Variants in MAPKAP1 observed in about 807,000 individuals in gnomAD.
MAPKAP1 encodes the protein target of rapamycin complex 2 subunit MAPKAP1.
A neutral mutation model predicts 65.7 loss-of-function variants in MAPKAP1; 20 were observed. The ratio of observed to expected loss-of-function variants is 0.30; its 90% CI spans 0.21 to 0.44. The LOEUF is 0.44. Among genes scored for constraint, MAPKAP1 ranks in the 20% least tolerant of loss-of-function variants. The pLI is 1.00. For missense variants in MAPKAP1, 423 were observed against 648.0 expected, an observed-to-expected ratio of 0.65 and a Z score of 3.77; for synonymous variants, 222 against 244.3, an observed-to-expected ratio of 0.91 and a Z score of 0.85.
intron 2 of MAPKAP1, among the ~76,000 whole-genome samples, chr9:125,671,010 A>AATTC (rs33950602): frequency 0.91 from 138,359 of 151,996 alleles, 64,268 homozygotes; most frequent in East Asian, 1. Context: ...TATCTAACCA[A>AATTC]CACTGAAGAA....
intron 11 of MAPKAP1, among the ~76,000 whole-genome samples, chr9:125,440,148 CTGGGCA>C (rs899364423): frequency 3.3e-5 from 5 of 152,154 alleles, no homozygotes; most frequent in African/African-American, 1.2e-4. Context: ...CAGCCTGTGC[CTGGGCA>C]TGGGCGGCAG....
At position 125,439,526 on chromosome 9, in the gene MAPKAP1, C is replaced by A. The variant is rs1189312059; in HGVS notation, c.1444-514G>T. Among the ~76,000 whole-genome samples the A allele has an allele frequency of 6.6e-6, 1 of 152,236 alleles. No homozygotes were observed. The highest frequency in any genetic ancestry group is 1.5e-5 in the Non-Finnish European group (1 of 68,028). On this transcript the variant is annotated intron_variant, in intron 11 of 11. Coordinates refer to ENST00000265960, the MANE Select transcript of MAPKAP1 (RefSeq NM_001006617.3). The surrounding 1 kb of genome is among the most constrained non-coding windows in gnomAD (Gnocchi z 4.0). ...CCTTCAGGGCTCATGAGTGCCCAGC[C>A]AGGCAGGGCTCACTTGACAAAAAGG...
At chr9:125,533,618 T>C (rs1829995142) in intron 7 of MAPKAP1, among the ~76,000 whole-genome samples, 1 of 152,140 alleles carries the variant, frequency 6.6e-6, no homozygotes, top group Non-Finnish European at 1.5e-5. Context: ...ATTTGGCTAA[T>C]TTTTGTATTT....
intron 9 of MAPKAP1, among the ~76,000 whole-genome samples, chr9:125,480,241 T>C (rs1280176783): frequency 6.6e-6 from 1 of 152,234 alleles, no homozygotes; most frequent in African/African-American, 2.4e-5. Context: ...ATAATACTCA[T>C]GGGCAGTCTG....
intron 4 of MAPKAP1, among the ~76,000 whole-genome samples, chr9:125,617,393 C>T (rs1832776610): frequency 6.6e-6 from 1 of 152,148 alleles, no homozygotes; most frequent in Non-Finnish European, 1.5e-5. Flanking sequence ...CCTGGGAGAC[C>T]TAAGCCACAG....
chr9:125,657,824 A>T, intron 3 of MAPKAP1, 25 bp from the exon 4 acceptor site: 1 of 1,608,776 alleles, frequency 6.2e-7, no homozygotes, highest in Non-Finnish European at 8.5e-7. Context: ...GAAGAAAAAC[A>T]TCTTTGTGAT....
intron 7 of MAPKAP1, among the ~76,000 whole-genome samples, chr9:125,516,285 A>G (rs902759520): frequency 6.6e-6 from 1 of 152,224 alleles, no homozygotes; most frequent in African/African-American, 2.4e-5. Flanking sequence ...TTCACACAGC[A>G]GTCTTCAAGT....
chr9:125,574,580 C>T (rs1341570986), intron 5 of MAPKAP1, among the ~76,000 whole-genome samples: 1 of 152,128 alleles, frequency 6.6e-6, no homozygotes, highest in East Asian at 1.9e-4. Context: ...GTTCAAATAA[C>T]GAAGTTGTCT....
Position 125,464,206 on chromosome 9 carries a change from A to T in MAPKAP1, c.1345+3766T>A, listed in dbSNP as rs867742437. Among the ~76,000 whole-genome samples the T allele has an allele frequency of 4.7e-3, 573 of 122,024 alleles. 33 individuals are homozygous for T. The highest frequency in any genetic ancestry group is 0.021 in the African/African-American group (431 of 20,538). 80.1% of individuals were successfully genotyped at this position (122,024 alleles called of 152,430 possible). A position where few individuals can be genotyped will look rare whatever the true frequency, so the allele number is the denominator to read the frequency against. The stretch of plus-strand genomic sequence containing the variant: ...CAGTGAGACCCTGTCTCATATATTA[A>T]AAAAAAAAAAAAAAAAAAAAAAAAA... On this transcript the variant is annotated intron_variant, in intron 10 of 11. Transcript: ENST00000265960.
chr9:125,698,105 C>CA (rs565702273), intron 1 of MAPKAP1, among the ~76,000 whole-genome samples: 1 of 151,144 alleles, frequency 6.6e-6, no homozygotes, highest in South Asian at 2.1e-4. Context: ...TGAGTCAAAA[C>CA]AAAGGTCAAG....
intron 3 of MAPKAP1, among the ~76,000 whole-genome samples, chr9:125,661,005 C>T (rs1834169510): frequency 6.6e-6 from 1 of 152,076 alleles, no homozygotes; most frequent in Admixed American, 6.6e-5. Context: ...GTCAATATTC[C>T]TAATATGTAA....
At chr9:125,444,327 C>T (rs1042845818) in intron 11 of MAPKAP1, among the ~76,000 whole-genome samples, 174 bp downstream of exon 11, 3 of 152,200 alleles carry the variant, frequency 2.0e-5, no homozygotes, top group African/African-American at 7.2e-5. Flanking sequence ...GTGGCCCTGG[C>T]ACAGGCACTC....
intron 4 of MAPKAP1, among the ~76,000 whole-genome samples, chr9:125,604,650 A>G (rs1390046908): frequency 2.0e-5 from 3 of 152,272 alleles, no homozygotes; most frequent in Non-Finnish European, 4.4e-5. Flanking sequence ...AATTTCAATA[A>G]TATGTTGTTA....
intron 4 of MAPKAP1, among the ~76,000 whole-genome samples, chr9:125,620,502 T>C (rs781744367): frequency 5.9e-5 from 9 of 152,310 alleles, no homozygotes; most frequent in Middle Eastern, 3.4e-3. Context: ...CAATTCTGCT[T>C]GAAATTTATC....
Position 125,524,529 on chromosome 9 carries a change from T to C in MAPKAP1, c.959-18112A>G, listed in dbSNP as rs368770485. ...TATATCCTGTTTTATTTTAAGCCAA[T>C]TGTGACTTACAACCGAACATGTTGC... On this transcript the variant is annotated intron_variant, in intron 7 of 11. Transcript: ENST00000265960. 2.0e-5 allele frequency among the ~76,000 whole-genome samples: 3 copies of C among 152,362 alleles called. No individual in the cohort carries two copies. The East Asian group carries it at 5.8e-4, about 29-fold the overall frequency.
At chr9:125,491,055 T>C (rs1044945754) in intron 8 of MAPKAP1, among the ~76,000 whole-genome samples, 2 of 151,590 alleles carry the variant, frequency 1.3e-5, no homozygotes, top group African/African-American at 4.9e-5. Context: ...GGAGAATCGC[T>C]TGAAGCCAGT....
At chr9:125,683,330 A>G (rs555307181) in intron 1 of MAPKAP1, among the ~76,000 whole-genome samples, 1 of 152,296 alleles carries the variant, frequency 6.6e-6, no homozygotes, top group South Asian at 2.1e-4. Flanking sequence ...TTTCTGGCCA[A>G]TAAAACATGG....
intron 4 of MAPKAP1, among the ~76,000 whole-genome samples, chr9:125,625,859 C>T (rs1234973276): frequency 6.6e-6 from 1 of 152,144 alleles, no homozygotes; most frequent in African/African-American, 2.4e-5. Context: ...ACAGCAAAAG[C>T]TTACAAAACG....
At chr9:125,535,436 C>T (rs561340007) in intron 7 of MAPKAP1, among the ~76,000 whole-genome samples, 20 of 152,188 alleles carry the variant, frequency 1.3e-4, no homozygotes, top group Middle Eastern at 6.8e-3. Flanking sequence ...GGTTTTCCAC[C>T]TGATTTCCAG....
Sources: gnomAD v4.1 joint callset for allele counts (sites outside exome capture counted in the v4.1 genomes callset) on GRCh38, gnomAD v4.1.1 for gene constraint, Gnocchi (gnomAD v3.1) non-coding constraint, MANE v1.5 for transcripts, NCBI Gene and HGNC (gene_info 2026-07-23, HGNC 2026-07-21) for gene names.